The following TRMT1L variants were observed in gnomAD, a reference collection of about 807,000 sequenced individuals.
The protein encoded by TRMT1L is tRNA (guanine(27)-N(2))-dimethyltransferase.
In TRMT1L, 28 loss-of-function variants were observed where a neutral mutation model predicts 81.6. The ratio of observed to expected loss-of-function variants is 0.34; its 90% CI spans 0.25 to 0.47. The LOEUF (loss-of-function observed/expected upper bound fraction) is 0.47, where lower values mean the gene tolerates loss of function less well. Ranked by LOEUF, TRMT1L falls within the 20% of genes least tolerant of loss-of-function variation. The pLI, the probability that TRMT1L is intolerant of heterozygous loss-of-function variation, is 1.00. For missense variants in TRMT1L, 739 were observed against 877.1 expected, an observed-to-expected ratio of 0.84 and a Z score of 1.99; for synonymous variants, 301 against 303.2, an observed-to-expected ratio of 0.99 and a Z score of 0.07.
intron 10 of TRMT1L, among the ~76,000 whole-genome samples, chr1:185,135,245 G>A (rs538465527): frequency 3.9e-5 from 6 of 151,962 alleles, no homozygotes; most frequent in East Asian, 3.9e-4. Flanking sequence ...GTGAAACCCC[G>A]TCTCTACTAA....
At chr1:185,128,345 A>G (rs1477016840) in intron 11 of TRMT1L, among the ~76,000 whole-genome samples, 14 of 152,156 alleles carry the variant, frequency 9.2e-5, no homozygotes, top group Non-Finnish European at 5.9e-5. Flanking sequence ...TCATTTAAAA[A>G]TCACATGCTA....
Position 185,156,537 on chromosome 1 carries a change from AGGGCAGGGGCTG to A in TRMT1L, c.164_175del (p.Pro55_Ala58del), listed in dbSNP as rs1653582110. On this transcript the variant is annotated inframe_deletion, in exon 1 of 15. Coordinates refer to ENST00000367506, the MANE Select transcript of TRMT1L (RefSeq NM_030934.5). ...CGGGGACAGGGCCGGAGCCTGGGCCAGGGCAGGGGCTGGGGCTGGAGCCGAGGCCGGAGTCGG... is the reference window on the plus strand; with the variant it reads ...CGGGGACAGGGCCGGAGCCTGGGCCAGGGCTGGAGCCGAGGCCGGAGTCGG... 6.2e-7 allele frequency: 1 copy of A among 1,611,592 alleles called. No homozygotes were observed. The highest frequency in any genetic ancestry group is 8.5e-7 in the Non-Finnish European group (1 of 1,178,998).
Position 185,137,857 on chromosome 1 carries a change from ACTGACAATATTAAC to A in TRMT1L, c.1323-75_1323-62del, listed in dbSNP as rs914703060. On this transcript the variant is annotated intron_variant, in intron 9 of 14. Coordinates refer to ENST00000367506, the MANE Select transcript of TRMT1L (RefSeq NM_030934.5). Reference sequence around the variant, plus strand: ...ATCATTTTCCCTTGTTTGGCATTATACTGACAATATTAACCTGGACAGTATACTATGGATAAGTT... The same window carrying A: ...ATCATTTTCCCTTGTTTGGCATTATACTGGACAGTATACTATGGATAAGTT... 14 of 1,539,438 alleles carry A rather than the reference ACTGACAATATTAAC, an allele frequency of 9.1e-6. No homozygotes were observed. In the African/African-American group the frequency reaches 1.9e-4, roughly 21 times the overall value.
At chr1:185,147,144 A>T (rs779665069) in intron 4 of TRMT1L, 38 bp downstream of exon 4, 1 of 1,420,262 alleles carries the variant, frequency 7.0e-7, no homozygotes, top group Non-Finnish European at 9.8e-7. Context: ...TTTAAAAAGG[A>T]CTAAATTTAA....
chr1:185,137,806 A>AT lies in TRMT1L; in HGVS notation c.1323-11dup. On this transcript the variant is annotated splice_polypyrimidine_tract_variant and intron_variant, in intron 9 of 14. Coordinates refer to ENST00000367506, the MANE Select transcript of TRMT1L (RefSeq NM_030934.5). ...GCATCGGGCTGCAGCTCTACAATAA[A>AT]TTTTTTCAAGTTATTTTGTGGGCTT... The AT allele has an allele frequency of 6.2e-7, 1 of 1,608,784 alleles. No homozygotes were observed. Among genetic ancestry groups the AT allele is most frequent in the Non-Finnish European group, 8.5e-7 (1 of 1,178,196 alleles).
In TRMT1L at chr1:185,156,520, G is replaced by T; in HGVS notation, c.193C>A (p.Leu65Met). 5 of 1,613,498 alleles carry T rather than the reference G, an allele frequency of 3.1e-6. No homozygotes were observed. Among genetic ancestry groups the T allele is most frequent in the Non-Finnish European group, 4.2e-6 (5 of 1,179,736 alleles). The change falls in exon 1 of 15, where the codon CTG becomes ATG. Residue 65 changes from leucine (L) to methionine (M), a missense_variant. This residue lies in a region of TRMT1L where 209 missense variants were observed against 165.4 expected (regional missense o/e 1.26). Transcript: ENST00000367506. ...GGGGCAGAGGCTAGGGACGGGGACA[G>T]GGCCGGAGCCTGGGCCAGGGCAGGG... ...PAPALAQAPA[L>M]SPSLASAPEE... is the part of the protein sequence containing the mutation.
intron 4 of TRMT1L, among the ~76,000 whole-genome samples, chr1:185,146,300 C>T (rs1014432199): frequency 3.3e-5 from 5 of 152,094 alleles, no homozygotes; most frequent in East Asian, 1.9e-4. Context: ...TAATTAGAAG[C>T]GTACTTATCC....
chr1:185,151,286 T>G lies in TRMT1L; in HGVS notation c.346+539A>C, dbSNP rs757731934. 5.1e-4 allele frequency among the ~76,000 whole-genome samples: 77 copies of G among 152,318 alleles called. 1 individual carries two copies. The highest frequency in any genetic ancestry group is 6.8e-3 in the Middle Eastern group (2 of 294). On this transcript the variant is annotated intron_variant, in intron 2 of 14. Coordinates refer to ENST00000367506, the MANE Select transcript of TRMT1L (RefSeq NM_030934.5). Reference sequence around the variant, plus strand: ...ATACCTGTCAGCTCATATTAATAATTTTTAACCCAACAAATATCTTTCACA... The same window carrying G: ...ATACCTGTCAGCTCATATTAATAATGTTTAACCCAACAAATATCTTTCACA...
At chr1:185,144,707 T>A (rs1298993923) in intron 5 of TRMT1L, among the ~76,000 whole-genome samples, 1 of 136,294 alleles carries the variant, frequency 7.3e-6, no homozygotes, top group Non-Finnish European at 1.6e-5. Context: ...GATTTCTTGA[T>A]AACATTACAG....
chr1:185,148,202 A>G (rs1241465792), intron 3 of TRMT1L, among the ~76,000 whole-genome samples: 1 of 152,140 alleles, frequency 6.6e-6, no homozygotes. Context: ...CCAAATGCAT[A>G]TCTTTAGCCC....
chr1:185,143,572 G>T (rs1394561151), intron 6 of TRMT1L, 136 bp from the exon 7 acceptor site: 1 of 689,760 alleles, frequency 1.4e-6, no homozygotes, highest in Non-Finnish European at 2.3e-6. Context: ...AACATATTCT[G>T]AATTTAATAC....
chr1:185,154,718 A>T (rs1421912503), intron 1 of TRMT1L, among the ~76,000 whole-genome samples: 1 of 152,246 alleles, frequency 6.6e-6, no homozygotes, highest in Non-Finnish European at 1.5e-5. Context: ...ACTACTGAAG[A>T]AACTCTTGAA....
intron 10 of TRMT1L, among the ~76,000 whole-genome samples, chr1:185,129,942 A>G (rs932509423): frequency 2.0e-5 from 3 of 152,224 alleles, no homozygotes; most frequent in Non-Finnish European, 2.9e-5. Context: ...ATAAGCAGTC[A>G]TCATCCAATT....
At chr1:185,135,442 A>G (rs1475584834) in intron 10 of TRMT1L, among the ~76,000 whole-genome samples, 1 of 151,718 alleles carries the variant, frequency 6.6e-6, no homozygotes, top group Admixed American at 6.6e-5. Flanking sequence ...AAAGAAAAAC[A>G]AACAATTACA....
At position 185,140,179 on chromosome 1, in the gene TRMT1L, G is replaced by T; in HGVS notation, c.903C>A (p.Val301=). Residue 301 remains valine, a synonymous_variant, in exon 8 of 15, where the codon GTC becomes GTA. Transcript: ENST00000367506. ...CATTCAAGTCATTGATTGTAACTTTGACTGCATTTCCAAGATGTTTTGCCC... is the reference window on the plus strand; with the variant it reads ...CATTCAAGTCATTGATTGTAACTTTTACTGCATTTCCAAGATGTTTTGCCC... ...LQWAKHLGNA[V]KVTINDLNEN... The T allele has an allele frequency of 6.2e-7, 1 of 1,613,484 alleles. No homozygotes were observed. Among genetic ancestry groups the T allele is most frequent in the South Asian group, 1.1e-5 (1 of 91,024 alleles).
intron 10 of TRMT1L, among the ~76,000 whole-genome samples, chr1:185,134,784 G>A (rs1652856070): frequency 6.6e-6 from 1 of 152,142 alleles, no homozygotes; most frequent in Non-Finnish European, 1.5e-5. Context: ...TGAACATGAA[G>A]GAAACAAAGT....
intron 10 of TRMT1L, among the ~76,000 whole-genome samples, chr1:185,132,045 G>A (rs564384310): frequency 6.6e-6 from 1 of 152,148 alleles, no homozygotes; most frequent in South Asian, 2.1e-4. Flanking sequence ...GTAAGCTGAG[G>A]CAGGAGAATT....
At chr1:185,136,012 C>A (rs1652890869) in intron 10 of TRMT1L, among the ~76,000 whole-genome samples, 1 of 152,072 alleles carries the variant, frequency 6.6e-6, no homozygotes, top group Non-Finnish European at 1.5e-5. Context: ...TGCATTATGA[C>A]AAAATTCAAC....
chr1:185,127,590 T>A (rs113455517), intron 11 of TRMT1L, among the ~76,000 whole-genome samples: 1 of 151,358 alleles, frequency 6.6e-6, no homozygotes, highest in African/African-American at 2.4e-5. Context: ...AAACCCGGTC[T>A]CTACTAAAAA....
Sources: allele counts gnomAD v4.1 joint callset (sites outside exome capture counted in the v4.1 genomes callset), GRCh38; gene constraint gnomAD v4.1.1; regional missense constraint gnomAD v4.1.1; transcripts MANE v1.5; gene names NCBI Gene and HGNC (gene_info 2026-07-23, HGNC 2026-07-21).